ANXA8: variants seen among roughly 807,000 people sequenced by gnomAD.
ANXA8 encodes the protein annexin A8.
Under a neutral mutation model 26.8 loss-of-function variants are expected in ANXA8, and 9 were observed. That is an observed-to-expected ratio of 0.34 (90% CI 0.20 to 0.59). The LOEUF is 0.59. ANXA8 is among the 20% of genes least tolerant of loss of function. The pLI is 0.84. For synonymous variants in ANXA8, 39 were observed against 94.8 expected, an observed-to-expected ratio of 0.41 and a Z score of 3.42; for missense variants, 83 against 238.5, an observed-to-expected ratio of 0.35 and a Z score of 4.29.
chr10:47,589,606 T>A, the ANXA8 span: 1 of 146,232 alleles, frequency 6.8e-6, no homozygotes, highest in Non-Finnish European at 1.5e-5. Context: ...CTACCCATCA[T>A]ACTCTCTCTG....
the ANXA8 span, among the ~76,000 whole-genome samples, chr10:47,535,029 C>T: frequency 9.4e-6 from 1 of 106,552 alleles, no homozygotes; most frequent in Non-Finnish European, 1.8e-5. Flanking sequence ...GGCTGGAGTG[C>T]ACTGGTATGA....
At chr10:47,976,582 T>C in the ANXA8 span, among the ~76,000 whole-genome samples, 1 of 141,366 alleles carries the variant, frequency 7.1e-6, no homozygotes, top group African/African-American at 2.6e-5. Flanking sequence ...CAATTAACAT[T>C]CTCACAACCA....
the ANXA8 span, among the ~76,000 whole-genome samples, chr10:47,577,296 T>C: frequency 1.1e-4 from 15 of 142,674 alleles, no homozygotes; most frequent in Non-Finnish European, 2.0e-4. Context: ...TCAGCACTTT[T>C]GGAGACTGAA....
At chr10:47,606,697 T>C in the ANXA8 span, among the ~76,000 whole-genome samples, 2 of 147,420 alleles carry the variant, frequency 1.4e-5, no homozygotes, top group Non-Finnish European at 3.0e-5. Flanking sequence ...CAACACACAC[T>C]GGGGCCTTTT....
chr10:47,772,229 G>A, the ANXA8 span, among the ~76,000 whole-genome samples: 1 of 151,782 alleles, frequency 6.6e-6, no homozygotes, highest in African/African-American at 2.4e-5. Flanking sequence ...TGACTTGGCA[G>A]CTCAACATCA....
the ANXA8 span, among the ~76,000 whole-genome samples, chr10:47,572,404 C>T: frequency 6.1e-5 from 9 of 147,976 alleles, no homozygotes; most frequent in South Asian, 2.2e-4. Context: ...TGCCTCAGAC[C>T]GTGCTCTCTA....
the ANXA8 span, among the ~76,000 whole-genome samples, chr10:47,536,459 C>T: frequency 0.011 from 944 of 87,340 alleles, 37 homozygotes; most frequent in Non-Finnish European, 0.016. Context: ...CAGTGAGATC[C>T]ACATCACACT....
chr10:47,721,050 G>A, the ANXA8 span, among the ~76,000 whole-genome samples: 1 of 140,750 alleles, frequency 7.1e-6, no homozygotes, highest in Non-Finnish European at 1.6e-5. Context: ...GGGAGGCTGA[G>A]GCAGGAGGAT....
chr10:47,653,247 G>T, the ANXA8 span, among the ~76,000 whole-genome samples: 1 of 149,978 alleles, frequency 6.7e-6, no homozygotes, highest in Non-Finnish European at 1.5e-5. Context: ...GGGAGGTAGA[G>T]GTTGCAGTGA....
the ANXA8 span, among the ~76,000 whole-genome samples, chr10:47,718,115 A>G: frequency 1.3e-5 from 2 of 152,248 alleles, no homozygotes; most frequent in South Asian, 2.1e-4. Context: ...TGATATGCCC[A>G]TGTAACAAAC....
the ANXA8 span, among the ~76,000 whole-genome samples, chr10:47,604,769 T>C: frequency 6.6e-6 from 1 of 152,308 alleles, no homozygotes; most frequent in Non-Finnish European, 1.5e-5. Context: ...TCAGATGTGG[T>C]AATTTGATGA....
chr10:47,495,306 A>T, the ANXA8 span, among the ~76,000 whole-genome samples: 4 of 124,726 alleles, frequency 3.2e-5, no homozygotes, highest in African/African-American at 5.8e-5. Context: ...TTATTTTGAG[A>T]TGGAGTTTTG....
chr10:47,777,011 C>T, the ANXA8 span, among the ~76,000 whole-genome samples: 2,649 of 152,030 alleles, frequency 0.017, 29 homozygotes, highest in Non-Finnish European at 0.027. Flanking sequence ...TGTCACCTCT[C>T]CCTACTTCAA....
At chr10:47,684,597 T>C in the ANXA8 span, among the ~76,000 whole-genome samples, 2 of 151,594 alleles carry the variant, frequency 1.3e-5, no homozygotes, top group African/African-American at 4.9e-5. Context: ...TTTTTGAGAT[T>C]TTTTTTGAGA....
At chr10:47,709,291 A>G in the ANXA8 span, among the ~76,000 whole-genome samples, 979 of 147,978 alleles carry the variant, frequency 6.6e-3, 38 homozygotes, top group African/African-American at 0.025. Context: ...TAAAGGAAGG[A>G]AAGAAGAATC....
At chr10:47,533,256 T>C in the ANXA8 span, among the ~76,000 whole-genome samples, 1 of 130,154 alleles carries the variant, frequency 7.7e-6, no homozygotes, top group Non-Finnish European at 1.6e-5. Flanking sequence ...CAATAGGTCC[T>C]CTCACCAAAA....
At chr10:47,907,026 T>C in the ANXA8 span, among the ~76,000 whole-genome samples, 5 of 150,126 alleles carry the variant, frequency 3.3e-5, no homozygotes, top group Admixed American at 1.3e-4. Context: ...CTACCACTTA[T>C]GCAGGTATTA....
chr10:47,675,170 C>T, the ANXA8 span, among the ~76,000 whole-genome samples: 1 of 142,922 alleles, frequency 7.0e-6, no homozygotes, highest in African/African-American at 2.7e-5. Context: ...TTTATACTAC[C>T]CTGTATATAT....
At chr10:47,566,522 G>T in the ANXA8 span, among the ~76,000 whole-genome samples, 4 of 150,746 alleles carry the variant, frequency 2.7e-5, no homozygotes, top group African/African-American at 9.8e-5. Flanking sequence ...GTGTGCCCCA[G>T]AGAGGTGCGG....
Sources: allele counts gnomAD v4.1 joint callset (sites outside exome capture counted in the v4.1 genomes callset), GRCh38; gene constraint gnomAD v4.1.1; transcripts MANE v1.5; gene names NCBI Gene and HGNC (gene_info 2026-07-23, HGNC 2026-07-21).